The following PBK variants were observed in gnomAD, a reference collection of about 807,000 sequenced individuals.
PBK encodes lymphokine-activated killer T-cell-originated protein kinase.
PBK carries 22 observed loss-of-function variants against 33.5 expected under a neutral mutation model. The observed-to-expected ratio is 0.66, with a 90% CI of 0.47 to 0.94. The LOEUF (loss-of-function observed/expected upper bound fraction) is 0.94, where lower values mean the gene tolerates loss of function less well. Among genes scored for constraint, PBK ranks in the 40% least tolerant of loss-of-function variants. The probability of loss-of-function intolerance (pLI) is 0.00; values close to 1 mark genes in which losing one functional copy is unlikely to be tolerated. For synonymous variants in PBK, 129 were observed against 123.8 expected (o/e 1.04, Z -0.28); for missense variants, 376 against 383.4 (o/e 0.98, Z 0.16).
At chr8:27,833,163 A>G (rs1481925050) in intron 1 of PBK, 30 bp from the exon 2 acceptor site, 2 of 1,173,466 alleles carry the variant, frequency 1.7e-6, no homozygotes, top group African/African-American at 1.6e-5. Context: ...CAAGTTACAC[A>G]GCAGATATAA....
chr8:27,823,163 CT>C lies in PBK; in HGVS notation c.194del (p.Lys65ArgfsTer18). 1.9e-6 allele frequency: 3 copies of C among 1,557,984 alleles called. No individual in the cohort carries two copies. Among genetic ancestry groups the C allele is most frequent in the African/African-American group, 1.4e-5 (1 of 73,620 alleles). Reference sequence around the variant, plus strand: ...AATGATCATTACATATAGGATTAATCTTTTTTACAGCCCAAGGAGAATGAGA... The same window carrying C: ...AATGATCATTACATATAGGATTAATCTTTTTACAGCCCAAGGAGAATGAGA... ...GLSHSPWAVKKINPICNDHYR... is the reference protein window; with the variant it reads ...GLSHSPWAVKXINPICNDHYR... On this transcript the variant is annotated frameshift_variant, in exon 4 of 8. Transcript: ENST00000301905. LOFTEE classifies it high-confidence loss of function.
At chr8:27,833,177 A>C in intron 1 of PBK, 44 bp from the exon 2 acceptor site, 1 of 1,018,734 alleles carries the variant, frequency 9.8e-7, no homozygotes, top group Non-Finnish European at 1.5e-6. Flanking sequence ...GATATAAAGA[A>C]TACAACTCTC....
intron 6 of PBK, among the ~76,000 whole-genome samples, chr8:27,813,149 T>A (rs1243678450): frequency 6.6e-6 from 1 of 152,170 alleles, no homozygotes; most frequent in Non-Finnish European, 1.5e-5. Flanking sequence ...TAAAAAAGGA[T>A]GAGTTCATAT....
intron 7 of PBK, among the ~76,000 whole-genome samples, 161 bp from the exon 8 acceptor site, chr8:27,810,662 A>G (rs1431427290): frequency 6.6e-6 from 1 of 152,186 alleles, no homozygotes; most frequent in African/African-American, 2.4e-5. Flanking sequence ...GCCATCAAGT[A>G]GATTTGCTTT....
At chr8:27,823,559 A>G (rs1563492586) in intron 3 of PBK, among the ~76,000 whole-genome samples, 1 of 152,002 alleles carries the variant, frequency 6.6e-6, no homozygotes, top group Non-Finnish European at 1.5e-5. Context: ...TGTATCAGAG[A>G]TGAGTTATAG....
intron 6 of PBK, chr8:27,811,381 T>C: frequency 1.7e-6 from 1 of 578,236 alleles, no homozygotes; most frequent in Non-Finnish European, 3.1e-6. Flanking sequence ...TTAGTAGGAA[T>C]ATAGAATGTG....
At chr8:27,835,227 TTGTTCA>T (rs1218653641) in intron 1 of PBK, among the ~76,000 whole-genome samples, 1 of 152,166 alleles carries the variant, frequency 6.6e-6, no homozygotes, top group Non-Finnish European at 1.5e-5. Flanking sequence ...AATGACAAGC[TTGTTCA>T]TCTTGTTTAA....
intron 5 of PBK, 126 bp from the exon 6 acceptor site, chr8:27,820,820 CAA>C (rs33962318): frequency 0.12 from 57,390 of 470,686 alleles, 4,871 homozygotes; most frequent in East Asian, 0.3. Flanking sequence ...TCCAGCGTTT[CAA>C]AATTTTTTTT....
intron 1 of PBK, 132 bp from the exon 2 acceptor site, chr8:27,833,265 G>T: frequency 2.6e-6 from 1 of 384,660 alleles, no homozygotes; most frequent in Non-Finnish European, 4.2e-6. Context: ...GCTGAGGTGG[G>T]TGGATCACCT....
chr8:27,837,482 CG>C (rs979733335), intron 1 of PBK, among the ~76,000 whole-genome samples, 169 bp downstream of exon 1: 3 of 152,118 alleles, frequency 2.0e-5, no homozygotes, highest in African/African-American at 7.2e-5. Flanking sequence ...CAGCAGGGTT[CG>C]GGGGTGGAGG....
At chr8:27,817,330 C>T (rs1056124501) in intron 6 of PBK, among the ~76,000 whole-genome samples, 7 of 152,106 alleles carry the variant, frequency 4.6e-5, no homozygotes, top group Non-Finnish European at 1.0e-4. Flanking sequence ...TTTCACTGAA[C>T]AGCACTGCTC....
chr8:27,820,686 G>A lies in PBK; in HGVS notation c.474C>T (p.His158=), dbSNP rs201933253. Reference sequence around the variant, plus strand: ...CTCCATGAAGCAGTTTCTTTTCTTGGTGCAGATACTAAAATAGTAAAAAAT... The same window carrying A: ...CTCCATGAAGCAGTTTCTTTTCTTGATGCAGATACTAAAATAGTAAAAAAT... ...LNMARGLKYL[H]QEKKLLHGDI... is the part of the protein sequence containing the mutation. Residue 158 remains histidine (H), a synonymous_variant, in exon 6 of 8, where the codon CAC becomes CAT. Transcript: ENST00000301905. The A allele has an allele frequency of 6.5e-7, 1 of 1,544,186 alleles. No homozygotes were observed. The highest frequency in any genetic ancestry group is 8.8e-7 in the Non-Finnish European group (1 of 1,134,492).
At chr8:27,817,625 G>A (rs1405412295) in intron 6 of PBK, among the ~76,000 whole-genome samples, 1 of 151,044 alleles carries the variant, frequency 6.6e-6, no homozygotes, top group African/African-American at 2.4e-5. Flanking sequence ...TAATATATCA[G>A]GTTATTATAA....
At chr8:27,815,566 CTG>C (rs1484595069) in intron 6 of PBK, among the ~76,000 whole-genome samples, 1 of 152,172 alleles carries the variant, frequency 6.6e-6, no homozygotes, top group African/African-American at 2.4e-5. Context: ...GGCAGTGACT[CTG>C]TGGCAATAAG....
Position 27,811,006 on chromosome 8 carries a change from T to A in PBK, c.724A>T (p.Thr242Ser). 6.2e-7 allele frequency: 1 copy of A among 1,612,776 alleles called. No homozygotes were observed. The highest frequency in any genetic ancestry group is 8.5e-7 in the Non-Finnish European group (1 of 1,178,838). The change falls in exon 7 of 8, where the codon ACT becomes TCT. Residue 242 changes from threonine (T) to serine (S), a missense_variant. By Grantham distance (58) the Thr-to-Ser change is moderately conservative. Transcript: ENST00000301905. ...AGATTAATGTGTGGAATCGATAAAG[T>A]CATCATTTCCCACAAAGTAAGGCCA... ...AFGLTLWEMM[T>S]LSIPHINLSN...
In PBK at chr8:27,827,533, A is replaced by G. The variant is rs535782893; in HGVS notation, c.152+572T>C. Among the ~76,000 whole-genome samples the G allele has an allele frequency of 3.3e-5, 5 of 152,224 alleles. No individual in the cohort carries two copies. The South Asian group carries it at 8.3e-4, about 25-fold the overall frequency. ...GAGTGAGACTCTGTTTCAAAAAAAT[A>G]TATGAATAATAAAAAAGTAATTTAA... On this transcript the variant is annotated intron_variant, in intron 3 of 7. Transcript: ENST00000301905.
intron 1 of PBK, among the ~76,000 whole-genome samples, chr8:27,834,259 C>T (rs1230815711): frequency 1.3e-5 from 2 of 152,102 alleles, no homozygotes; most frequent in African/African-American, 2.4e-5. Context: ...AACTCCCGAC[C>T]TTGTGATAAT....
chr8:27,825,351 T>C (rs932709707), intron 3 of PBK, among the ~76,000 whole-genome samples: 4 of 152,118 alleles, frequency 2.6e-5, no homozygotes, highest in African/African-American at 9.7e-5. Context: ...GGCAGGAGGA[T>C]TGCTCAAACC....
rs1806150508 is a variant in PBK at position 27,832,634 on chromosome 8, T to A, written c.58+422A>T. On this transcript the variant is annotated intron_variant, in intron 2 of 7. Coordinates refer to ENST00000301905, the MANE Select transcript of PBK (RefSeq NM_018492.4). ...ATGTTATTTTCTAGAAATTTAATTG[T>A]AGCTATTTTTTATATAATAGGAGTT... 2.0e-5 allele frequency among the ~76,000 whole-genome samples: 3 copies of A among 152,358 alleles called. No individual in the cohort carries two copies. In the South Asian group the frequency reaches 6.2e-4, roughly 32 times the overall value.
Sources: allele counts gnomAD v4.1 joint callset (sites outside exome capture counted in the v4.1 genomes callset), GRCh38; gene constraint gnomAD v4.1.1; transcripts MANE v1.5; gene names NCBI Gene and HGNC (gene_info 2026-07-23, HGNC 2026-07-21).